Variants in CAMKMT observed in about 807,000 individuals in gnomAD.
CAMKMT encodes the protein calmodulin-lysine N-methyltransferase.
In CAMKMT, 53 loss-of-function variants were observed where a neutral mutation model predicts 48.0. The observed-to-expected ratio is 1.10, with a 90% CI of 0.89 to 1.39. CAMKMT has a LOEUF of 1.39. CAMKMT is among the 40% of genes most tolerant of loss of function. The pLI is 0.00. For missense variants in CAMKMT, 428 were observed against 402.7 expected, an observed-to-expected ratio of 1.06 and a Z score of -0.54; for synonymous variants, 165 against 152.3, an observed-to-expected ratio of 1.08 and a Z score of -0.61.
At chr2:44,481,781 G>C (rs1456875774) in intron 3 of CAMKMT, among the ~76,000 whole-genome samples, 1 of 151,888 alleles carries the variant, frequency 6.6e-6, no homozygotes, top group African/African-American at 2.4e-5. Flanking sequence ...GCTTGGAGTT[G>C]TTTTCAGAAA....
chr2:44,412,094 A>C (rs1360225979), intron 3 of CAMKMT, among the ~76,000 whole-genome samples: 2 of 150,410 alleles, frequency 1.3e-5, no homozygotes, highest in Non-Finnish European at 2.9e-5. Flanking sequence ...CAGAGAAAAC[A>C]CAGCATATAA....
Position 44,661,310 on chromosome 2 carries a change from C to CTTTTTTT in CAMKMT, c.377-42956_377-42950dup, listed in dbSNP as rs764984677. Among the ~76,000 whole-genome samples, 23 of 89,186 alleles carry CTTTTTTT rather than the reference C, an allele frequency of 2.6e-4. 1 individual carries two copies. The highest frequency in any genetic ancestry group is 5.0e-4 in the African/African-American group (10 of 20,044). The allele number at this position is 89,186 out of a possible 152,430, so 58.5% of individuals were successfully genotyped here. A position where few individuals can be genotyped will look rare whatever the true frequency, so the allele number is the denominator to read the frequency against. On this transcript the variant is annotated intron_variant, in intron 3 of 10. Coordinates refer to ENST00000378494, the MANE Select transcript of CAMKMT (RefSeq NM_024766.5). Reference sequence around the variant, plus strand: ...AATAACAACAATGGTTGTGAGCAGCCTTTTTTTTTTTTTTTTTTTTTTTGA... The same window carrying CTTTTTTT: ...AATAACAACAATGGTTGTGAGCAGCCTTTTTTTTTTTTTTTTTTTTTTTTTTTTTTGA...
intron 3 of CAMKMT, among the ~76,000 whole-genome samples, chr2:44,648,417 C>T (rs1673872108): frequency 6.6e-6 from 1 of 152,082 alleles, no homozygotes; most frequent in African/African-American, 2.4e-5. Context: ...TTTAAAATCT[C>T]ATATGAGGAA....
At chr2:44,448,597 G>C (rs1295468433) in intron 3 of CAMKMT, among the ~76,000 whole-genome samples, 1 of 152,118 alleles carries the variant, frequency 6.6e-6, no homozygotes, top group Non-Finnish European at 1.5e-5. Flanking sequence ...TATCTTGTAA[G>C]TTAACCTTAC....
intron 3 of CAMKMT, among the ~76,000 whole-genome samples, chr2:44,446,184 G>C (rs1192755643): frequency 6.6e-6 from 1 of 151,990 alleles, no homozygotes; most frequent in African/African-American, 2.4e-5. Context: ...TTGACCTCAG[G>C]TGATCGGCTC....
intron 3 of CAMKMT, among the ~76,000 whole-genome samples, chr2:44,482,387 A>G (rs887134791): frequency 3.9e-5 from 6 of 152,144 alleles, no homozygotes; most frequent in Admixed American, 6.5e-5. Context: ...CAGGAGGTCT[A>G]TTGGAATCTT....
chr2:44,707,433 T>A lies in CAMKMT; in HGVS notation c.527T>A (p.Leu176Ter). 1 of 1,612,772 alleles carries A rather than the reference T, an allele frequency of 6.2e-7. No homozygotes were observed. The highest frequency in any genetic ancestry group is 8.5e-7 in the Non-Finnish European group (1 of 1,179,270). Residue 176 changes from leucine to a stop codon, truncating the protein, a stop_gained, in exon 6 of 11, where the codon TTA (leucine) becomes TAA (stop). Transcript: ENST00000378494. LOFTEE classifies it high-confidence loss of function. ...AISADVKEVL[L>*]TDGNEKAIRN... ...TCTGCAGATGTCAAAGAAGTTCTGTTAACTGATGGGAATGAAAAGGCCATC... is the reference window on the plus strand; with the variant it reads ...TCTGCAGATGTCAAAGAAGTTCTGTAAACTGATGGGAATGAAAAGGCCATC...
At chr2:44,523,292 C>CT (rs869152391) in intron 3 of CAMKMT, among the ~76,000 whole-genome samples, 4,782 of 131,214 alleles carry the variant, frequency 0.036, 249 homozygotes, top group African/African-American at 0.11. Context: ...AGGGGACCCA[C>CT]TTTTTTTTTT....
chr2:44,573,184 A>G (rs1392005442), intron 3 of CAMKMT, among the ~76,000 whole-genome samples: 1 of 151,858 alleles, frequency 6.6e-6, no homozygotes, highest in East Asian at 1.9e-4. Flanking sequence ...ATATGCTGCT[A>G]TTAGTAATAG....
Position 44,766,745 on chromosome 2 carries a change from A to AT in CAMKMT, c.894+184_894+185insT, listed in dbSNP as rs1680858386. Among the ~76,000 whole-genome samples the AT allele has an allele frequency of 1.3e-4, 19 of 148,424 alleles. No individual in the cohort carries two copies. The South Asian group carries it at 4.1e-3, about 32-fold the overall frequency. On this transcript the variant is annotated intron_variant, in intron 10 of 10. Transcript: ENST00000378494. ...CCATCTTTTATCTTTGCATGTCTAG[A>AT]AGGATTTTACAGAAACCATTCCTGT...
At chr2:44,471,189 C>T (rs1245418090) in intron 3 of CAMKMT, among the ~76,000 whole-genome samples, 1 of 151,984 alleles carries the variant, frequency 6.6e-6, no homozygotes, top group Non-Finnish European at 1.5e-5. Context: ...CGGGGTTTCA[C>T]CATGTTGGCC....
intron 3 of CAMKMT, among the ~76,000 whole-genome samples, chr2:44,559,636 C>G (rs1668217977): frequency 6.6e-6 from 1 of 152,078 alleles, no homozygotes; most frequent in South Asian, 2.1e-4. Context: ...TACACAGGGT[C>G]TAGTTGAGCA....
At chr2:44,393,302 A>T (rs556396550) in intron 3 of CAMKMT, 1 of 152,184 alleles carries the variant, frequency 6.6e-6, no homozygotes, top group African/African-American at 2.4e-5. Flanking sequence ...TGTGGTTTTA[A>T]ATGTATGAAC....
intron 3 of CAMKMT, among the ~76,000 whole-genome samples, chr2:44,536,475 C>T (rs1384015301): frequency 3.3e-5 from 5 of 151,854 alleles, no homozygotes; most frequent in Admixed American, 6.6e-5. Flanking sequence ...TAGGTGCCCG[C>T]CACCGTGCCC....
At chr2:44,706,406 C>A (rs184325955) in intron 5 of CAMKMT, 65 bp downstream of exon 5, 4 of 1,505,466 alleles carry the variant, frequency 2.7e-6, no homozygotes, top group Admixed American at 1.7e-5. Context: ...GTTCCAGGGC[C>A]TCCAACTGCT....
intron 6 of CAMKMT, among the ~76,000 whole-genome samples, chr2:44,712,729 G>A (rs745418504): frequency 3.3e-5 from 5 of 152,028 alleles, no homozygotes; most frequent in African/African-American, 4.8e-5. Context: ...AGGTGGGTGC[G>A]GTTCAGAGAA....
intron 3 of CAMKMT, among the ~76,000 whole-genome samples, chr2:44,593,155 T>G (rs1670413382): frequency 6.6e-6 from 1 of 152,192 alleles, no homozygotes; most frequent in Non-Finnish European, 1.5e-5. Context: ...GTAGGGCAAA[T>G]TTTTCCACAC....
At chr2:44,402,982 C>A (rs546488870) in intron 3 of CAMKMT, among the ~76,000 whole-genome samples, 37 of 118,210 alleles carry the variant, frequency 3.1e-4, no homozygotes, top group African/African-American at 1.1e-3. Flanking sequence ...TTTTCTGTTT[C>A]TTTTCTTTGG....
At chr2:44,492,529 GT>G (rs1669559007) in intron 3 of CAMKMT, among the ~76,000 whole-genome samples, 1 of 152,144 alleles carries the variant, frequency 6.6e-6, no homozygotes, top group African/African-American at 2.4e-5. Context: ...TAGGTAAGGT[GT>G]TTTGCATCTG....
Sources: gnomAD v4.1 joint callset for allele counts (sites outside exome capture counted in the v4.1 genomes callset) on GRCh38, gnomAD v4.1.1 for gene constraint, MANE v1.5 for transcripts, NCBI Gene and HGNC (gene_info 2026-07-23, HGNC 2026-07-21) for gene names.